Variants in RALGAPA2 observed in about 807,000 individuals in gnomAD.
RALGAPA2 encodes the protein Ral GTPase activating protein catalytic subunit alpha 2.
In RALGAPA2, 139 loss-of-function variants were observed where a neutral mutation model predicts 230.4. The observed-to-expected ratio is 0.60, with a 90% CI of 0.53 to 0.69. RALGAPA2 has a LOEUF of 0.69. Among genes scored for constraint, RALGAPA2 ranks in the 30% least tolerant of loss-of-function variants. The pLI is 0.00. For synonymous variants in RALGAPA2, 847 were observed against 837.8 expected, an observed-to-expected ratio of 1.01 and a Z score of -0.19; for missense variants, 2,163 against 2,276.0, an observed-to-expected ratio of 0.95 and a Z score of 1.01.
chr20:20,468,804 G>C (rs1317138195), intron 37 of RALGAPA2, among the ~76,000 whole-genome samples: 1 of 151,426 alleles, frequency 6.6e-6, no homozygotes, highest in Non-Finnish European at 1.5e-5. Context: ...CACAAATCTA[G>C]CAGGTCCCAC....
chr20:20,512,746 A>T lies in RALGAPA2; in HGVS notation c.4623T>A (p.Asn1541Lys). The change falls in exon 32 of 40, where the codon AAT (asparagine) becomes AAA (lysine). Residue 1541 changes from asparagine (N) to lysine (K), a missense_variant. Coordinates refer to ENST00000202677, the MANE Select transcript of RALGAPA2 (RefSeq NM_020343.4). ...SPECLLPSQL[N>K]LNEPSLTPCG... The stretch of plus-strand genomic sequence containing the variant: ...ATGGGGTTAGGGAAGGTTCATTTAG[A>T]TTTAGCTGTGACGGTAAAAGGCATT... 6.2e-7 allele frequency: 1 copy of T among 1,613,878 alleles called. No homozygotes were observed. Among genetic ancestry groups the T allele is most frequent in the Non-Finnish European group, 8.5e-7 (1 of 1,179,784 alleles).
At chr20:20,468,874 C>T (rs891542959) in intron 37 of RALGAPA2, among the ~76,000 whole-genome samples, 2 of 151,992 alleles carry the variant, frequency 1.3e-5, no homozygotes, top group African/African-American at 2.4e-5. Flanking sequence ...CCACTGCCTT[C>T]GACGAGACCC....
chr20:20,437,435 G>A lies in RALGAPA2; in HGVS notation c.5496-25287C>T, dbSNP rs777346575. 4.6e-4 allele frequency among the ~76,000 whole-genome samples: 70 copies of A among 152,212 alleles called. No homozygotes were observed. Among genetic ancestry groups the A allele is most frequent in the Non-Finnish European group, 8.2e-4 (56 of 68,038 alleles). On this transcript the variant is annotated intron_variant, in intron 37 of 39. Transcript: ENST00000202677. The surrounding 1 kb of genome is among the most constrained non-coding windows in gnomAD (Gnocchi z 4.1). ...CTGGCCTCTGTACCCAGCAGCAGGA[G>A]GCTTTCAGGGATGGTGCCGTCCTCC...
chr20:20,652,549 A>G (rs2067437486), intron 4 of RALGAPA2, among the ~76,000 whole-genome samples: 1 of 152,182 alleles, frequency 6.6e-6, no homozygotes, highest in Non-Finnish European at 1.5e-5. Context: ...CCCTCAACAA[A>G]TATTTGAATG....
intron 14 of RALGAPA2, among the ~76,000 whole-genome samples, chr20:20,610,230 A>T (rs923242105): frequency 6.6e-6 from 1 of 152,200 alleles, no homozygotes; most frequent in Non-Finnish European, 1.5e-5. Context: ...CACTGTACTA[A>T]TATCTTTATT....
rs1289638787 is a variant in RALGAPA2 at position 20,605,316 on chromosome 20, A to T, written c.1897T>A (p.Trp633Arg). 6.2e-7 allele frequency: 1 copy of T among 1,613,380 alleles called. No homozygotes were observed. The highest frequency in any genetic ancestry group is 8.5e-7 in the Non-Finnish European group (1 of 1,179,500). The change falls in exon 15 of 40, where the codon TGG (tryptophan) becomes AGG (arginine). Residue 633 changes from tryptophan (W) to arginine (R), a missense_variant. Trp to Arg is a moderately radical substitution (Grantham distance 101). Transcript: ENST00000202677. ...GCCCACTCGTTTATAAGTTCCTCCC[A>T]TTCCGTGAGGGAGGACAGCACACCA... ...FLGVLSSLTE[W>R]EELINEWANI...
At chr20:20,611,504 CT>C in intron 13 of RALGAPA2, 78 bp from the exon 14 acceptor site, 1 of 1,512,942 alleles carries the variant, frequency 6.6e-7, no homozygotes, top group Non-Finnish European at 8.9e-7. Flanking sequence ...CAGAAATTCT[CT>C]TAAGAATTCA....
Position 20,635,478 on chromosome 20 carries a change from C to A in RALGAPA2, c.945G>T (p.Lys315Asn), listed in dbSNP as rs773138505. 1.3e-6 allele frequency: 2 copies of A among 1,599,952 alleles called. No individual in the cohort carries two copies. The change falls in exon 9 of 40, where the codon AAG (lysine) becomes AAT (asparagine). Residue 315 changes from lysine (K) to asparagine (N), a missense_variant. Transcript: ENST00000202677. The part of the protein sequence containing the change: ...KWIVTFFLEK[K>N]YLTATQNTKN... Reference sequence around the variant, plus strand: ...TAGTGTTTTGTGTTGCAGTTAGATACTTTTTTTCCAAAAAGAAGGTTACAA... The same window carrying A: ...TAGTGTTTTGTGTTGCAGTTAGATAATTTTTTTCCAAAAAGAAGGTTACAA...
chr20:20,501,983 G>A (rs1490249503), intron 35 of RALGAPA2, among the ~76,000 whole-genome samples: 1 of 152,096 alleles, frequency 6.6e-6, no homozygotes, highest in Non-Finnish European at 1.5e-5. Flanking sequence ...GCAGTTTGTG[G>A]TGCCCCAAAA....
Position 20,423,216 on chromosome 20 carries a change from T to A in RALGAPA2, c.5496-11068A>T, listed in dbSNP as rs375579560. On this transcript the variant is annotated intron_variant, in intron 37 of 39. Transcript: ENST00000202677. ...ACCTGAGGAGGAGGGCAGGGTTGAG[T>A]GGAGGAGTCTGAAGAGCCCAAGGGA... is the stretch of plus-strand genomic sequence containing the variant. 5.7e-4 allele frequency among the ~76,000 whole-genome samples: 86 copies of A among 151,462 alleles called. No homozygotes were observed. In the South Asian group the frequency reaches 0.017, roughly 30 times the overall value.
chr20:20,430,220 A>G (rs1010675989), intron 37 of RALGAPA2, among the ~76,000 whole-genome samples: 1 of 152,212 alleles, frequency 6.6e-6, no homozygotes, highest in African/African-American at 2.4e-5. Context: ...CGGTCAGTGG[A>G]ACCTAACAGG....
chr20:20,464,184 T>C (rs2061364299), intron 37 of RALGAPA2, among the ~76,000 whole-genome samples: 2 of 152,220 alleles, frequency 1.3e-5, no homozygotes, highest in African/African-American at 4.8e-5. Context: ...TCTCTCTGGC[T>C]GATTACACTT....
At chr20:20,707,440 T>A (rs913823425) in intron 1 of RALGAPA2, among the ~76,000 whole-genome samples, 1 of 152,068 alleles carries the variant, frequency 6.6e-6, no homozygotes, top group African/African-American at 2.4e-5. Flanking sequence ...AAGAACAAAA[T>A]TTCACAATCC....
chr20:20,618,148 G>A (rs759017125), intron 12 of RALGAPA2, among the ~76,000 whole-genome samples: 5 of 152,154 alleles, frequency 3.3e-5, no homozygotes, highest in Non-Finnish European at 7.3e-5. Flanking sequence ...ACATTAGTGA[G>A]GACCTACTGT....
chr20:20,531,022 A>C (rs551294013), intron 27 of RALGAPA2, among the ~76,000 whole-genome samples: 1 of 152,316 alleles, frequency 6.6e-6, no homozygotes, highest in Admixed American at 6.5e-5. Context: ...TGAAAGTTCA[A>C]GCATGTCTTT....
rs948668161 is a variant in RALGAPA2, at chr20:20,582,389, T to C, written c.2707+661A>G. On this transcript the variant is annotated intron_variant, in intron 20 of 39. Coordinates refer to ENST00000202677, the MANE Select transcript of RALGAPA2 (RefSeq NM_020343.4). ...AGGCCACCCAGCAATTCCTCGGAGG[T>C]GCCTGGAAGCCGACCCAGAAAGTTT... Among the ~76,000 whole-genome samples the C allele has an allele frequency of 3.9e-5, 6 of 152,106 alleles. No homozygotes were observed. In the East Asian group the frequency reaches 1.2e-3, roughly 29 times the overall value.
intron 37 of RALGAPA2, among the ~76,000 whole-genome samples, chr20:20,458,822 C>CA (rs2061220862): frequency 9.4e-5 from 1 of 10,674 alleles, no homozygotes; most frequent in African/African-American, 3.2e-4. Flanking sequence ...ATATATAGAC[C>CA]TATATATATA....
chr20:20,559,629 G>A (rs2064194309), intron 23 of RALGAPA2, among the ~76,000 whole-genome samples: 1 of 152,040 alleles, frequency 6.6e-6, no homozygotes, highest in South Asian at 2.1e-4. Flanking sequence ...GATTTTTAAT[G>A]TACATATAAC....
chr20:20,419,446 A>T (rs2060232082), intron 37 of RALGAPA2, among the ~76,000 whole-genome samples: 1 of 152,204 alleles, frequency 6.6e-6, no homozygotes, highest in African/African-American at 2.4e-5. Flanking sequence ...TGACTCAGAC[A>T]CAGAGAAAGC....
Sources: gnomAD v4.1 joint callset for allele counts (sites outside exome capture counted in the v4.1 genomes callset) on GRCh38, gnomAD v4.1.1 for gene constraint, Gnocchi (gnomAD v3.1) non-coding constraint, MANE v1.5 for transcripts, NCBI Gene and HGNC (gene_info 2026-07-23, HGNC 2026-07-21) for gene names.